Variants in NPRL3 observed in about 807,000 individuals in gnomAD.
The protein encoded by NPRL3 is GATOR1 complex protein NPRL3.
NPRL3 carries 23 observed loss-of-function variants against 57.2 expected under a neutral mutation model. The observed-to-expected ratio is 0.40, with a 90% confidence interval of 0.29 to 0.57. The LOEUF (loss-of-function observed/expected upper bound fraction) is 0.57, where lower values mean the gene tolerates loss of function less well. Ranked by LOEUF, NPRL3 falls within the 20% of genes least tolerant of loss-of-function variation. The pLI is 0.42. For synonymous variants in NPRL3, 333 were observed against 321.1 expected, an observed-to-expected ratio of 1.04 and a Z score of -0.39; for missense variants, 691 against 767.1, an observed-to-expected ratio of 0.90 and a Z score of 1.17.
At chr16:119,988 T>C (rs1900215629) in intron 3 of NPRL3, among the ~76,000 whole-genome samples, 1 of 152,172 alleles carries the variant, frequency 6.6e-6, no homozygotes, top group Non-Finnish European at 1.5e-5. Flanking sequence ...TTCAAGGTCA[T>C]CTGTGCCCTT....
intron 2 of NPRL3, among the ~76,000 whole-genome samples, chr16:134,803 G>A (rs553532967): frequency 8.0e-4 from 115 of 143,794 alleles, no homozygotes; most frequent in Non-Finnish European, 3.4e-4. Context: ...CCGGGTTCAC[G>A]CCATTCTCCT....
chr16:131,678 C>G (rs1900810981), intron 2 of NPRL3, among the ~76,000 whole-genome samples: 1 of 150,304 alleles, frequency 6.7e-6, no homozygotes, highest in African/African-American at 2.4e-5. Flanking sequence ...AAGGTATTGC[C>G]TCAATGTTGA....
intron 2 of NPRL3, among the ~76,000 whole-genome samples, chr16:137,405 C>T (rs1224526140): frequency 2.0e-5 from 3 of 152,132 alleles, no homozygotes; most frequent in Admixed American, 6.5e-5. Context: ...ACAATTCGTG[C>T]GATGAAAAAC....
In NPRL3 at chr16:97,997, A is replaced by G. The variant is rs1164346590; in HGVS notation, c.924+148T>C. 3 of 944,456 alleles carry G rather than the reference A, an allele frequency of 3.2e-6. No homozygotes were observed. The African/African-American group carries it at 5.0e-5, about 16-fold the overall frequency. The allele number at this position is 944,456 out of a possible 1,614,324, so 58.5% of individuals were successfully genotyped here. ...GACTCAGATGCCAAAACCTCCAGCC[A>G]TCCCAGGGACTGGCCCCACCCCATG... On this transcript the variant is annotated intron_variant, in intron 9 of 13. Transcript: ENST00000611875.
At chr16:86,976 C>T in intron 13 of NPRL3, 106 bp from the exon 14 acceptor site, 2 of 1,209,394 alleles carry the variant, frequency 1.7e-6, no homozygotes, top group South Asian at 3.0e-5. Flanking sequence ...CAGGCCTGAA[C>T]AGAGCTGGTG....
chr16:119,900 C>A (rs1900212357), intron 3 of NPRL3, among the ~76,000 whole-genome samples: 1 of 152,244 alleles, frequency 6.6e-6, no homozygotes, highest in Non-Finnish European at 1.5e-5. Context: ...GGCAGAAATA[C>A]CAGGTTGCAC....
intron 2 of NPRL3, among the ~76,000 whole-genome samples, chr16:135,690 G>C (rs1001162826): frequency 2.0e-5 from 3 of 151,276 alleles, no homozygotes; most frequent in Non-Finnish European, 4.4e-5. Flanking sequence ...AATAATTTTG[G>C]AGAGCAAAAC....
intron 5 of NPRL3, among the ~76,000 whole-genome samples, chr16:114,836 G>T (rs188958159): frequency 6.6e-6 from 1 of 152,162 alleles, no homozygotes; most frequent in East Asian, 1.9e-4. Context: ...CATAAGGTCT[G>T]GGACTTGCCT....
At chr16:89,119 C>T in intron 12 of NPRL3, 1 of 571,154 alleles carries the variant, frequency 1.8e-6, no homozygotes, top group Non-Finnish European at 3.2e-6. Flanking sequence ...CCTCAAGGGA[C>T]CTGAACAGAG....
intron 3 of NPRL3, among the ~76,000 whole-genome samples, chr16:127,844 T>G (rs147813176): frequency 1.3e-5 from 2 of 151,422 alleles, no homozygotes; most frequent in African/African-American, 4.9e-5. Flanking sequence ...TTAGTAGAGA[T>G]GGGGTTTCAC....
chr16:129,926 A>G (rs973855043), intron 3 of NPRL3, among the ~76,000 whole-genome samples: 5 of 152,178 alleles, frequency 3.3e-5, no homozygotes, highest in African/African-American at 7.2e-5. Context: ...TTCAAAATGA[A>G]CAGAAGGCAG....
At chr16:100,061 C>T (rs1373010958) in intron 8 of NPRL3, among the ~76,000 whole-genome samples, 1 of 151,742 alleles carries the variant, frequency 6.6e-6, no homozygotes, top group East Asian at 1.9e-4. Context: ...TAGGGCAACA[C>T]CATTAAGATG....
chr16:92,892 G>T, intron 10 of NPRL3, 167 bp from the exon 11 acceptor site: 1 of 782,616 alleles, frequency 1.3e-6, no homozygotes, highest in South Asian at 1.7e-5. Flanking sequence ...ACAGAGCCTG[G>T]GCACTTCCCC....
chr16:124,934 C>T (rs1396845086), intron 3 of NPRL3: 1 of 152,534 alleles, frequency 6.6e-6, no homozygotes, highest in Non-Finnish European at 1.5e-5. Flanking sequence ...AAAATTAGCT[C>T]ACCTTGGTGG....
chr16:93,420 C>T lies in NPRL3; in HGVS notation c.925-95G>A. On this transcript the variant is annotated intron_variant, in intron 9 of 13. Transcript: ENST00000611875. ...AGCCTGGGTGGCCATGGCCTACCAG[C>T]CTGGAGAAGCTGGCCCCAGCCTCAT... The T allele has an allele frequency of 3.9e-6, 3 of 775,714 alleles. No homozygotes were observed. The South Asian group carries it at 4.4e-5, about 11-fold the overall frequency. 48.1% of individuals were successfully genotyped at this position (775,714 alleles called of 1,614,324 possible).
At chr16:121,959 G>C (rs897564382) in intron 3 of NPRL3, among the ~76,000 whole-genome samples, 1 of 151,788 alleles carries the variant, frequency 6.6e-6, no homozygotes, top group East Asian at 2.0e-4. Flanking sequence ...ATTTTTAGTA[G>C]AGACGGGGTT....
At position 117,361 on chromosome 16, in the gene NPRL3, A is replaced by C. The variant is rs770047002; in HGVS notation, c.333T>G (p.Asp111Glu). ...TAGGTGCTTCCCTCTTCGGGGAAGG[A>C]TCTGTTTTGGAGATCTGTAAAAGAT... ...QHALGQISKT[D>E]PSPKREAPTM... Residue 111 changes from aspartate (D) to glutamate (E), a missense_variant, in exon 5 of 14, where the codon GAT becomes GAG. Physicochemically the swap from Asp to Glu is conservative, Grantham distance 45. Coordinates refer to ENST00000611875, the MANE Select transcript of NPRL3 (RefSeq NM_001077350.3). 1.4e-5 allele frequency: 22 copies of C among 1,610,076 alleles called. No individual in the cohort carries two copies. Among genetic ancestry groups the C allele is most frequent in the Non-Finnish European group, 1.2e-5 (14 of 1,177,210 alleles).
intron 9 of NPRL3, among the ~76,000 whole-genome samples, chr16:96,424 T>A (rs1899008009): frequency 6.6e-6 from 1 of 152,098 alleles, no homozygotes; most frequent in Non-Finnish European, 1.5e-5. Flanking sequence ...CAGGGTTGTA[T>A]GGAGTGGTGA....
At chr16:108,777 T>A (rs1032729884) in intron 7 of NPRL3, among the ~76,000 whole-genome samples, 43 of 152,036 alleles carry the variant, frequency 2.8e-4, no homozygotes, top group African/African-American at 8.9e-4. Context: ...TTTAAGTGAT[T>A]CTTCTGCCTC....
Sources: allele counts gnomAD v4.1 joint callset (sites outside exome capture counted in the v4.1 genomes callset), GRCh38; gene constraint gnomAD v4.1.1; transcripts MANE v1.5; gene names NCBI Gene and HGNC (gene_info 2026-07-23, HGNC 2026-07-21).